The following IL1R2 variants were observed in gnomAD, a reference collection of about 807,000 sequenced individuals.
The protein encoded by IL1R2 is interleukin-1 receptor type 2.
A neutral mutation model predicts 39.5 loss-of-function variants in IL1R2; 46 were observed. That is an observed-to-expected ratio of 1.16 (90% confidence interval 0.92 to 1.49). The LOEUF is 1.49. Among genes scored for constraint, IL1R2 ranks in the 40% most tolerant of loss-of-function variants. The pLI is 0.00. For missense variants in IL1R2, 537 were observed against 502.0 expected, an observed-to-expected ratio of 1.07 and a Z score of -0.67; for synonymous variants, 207 against 189.6, an observed-to-expected ratio of 1.09 and a Z score of -0.75.
rs369886122 is a variant in IL1R2 at position 102,022,222 on chromosome 2, C to T, written c.724C>T (p.Pro242Ser). The T allele has an allele frequency of 1.2e-6, 2 of 1,613,682 alleles. No individual in the cohort carries two copies. The highest frequency in any genetic ancestry group is 1.7e-6 in the Non-Finnish European group (2 of 1,179,680). Reference sequence around the variant, plus strand: ...AGAGACCATTCCTGTGATCATTTCCCCCCTCAAGACCATATCAGCTTCTCT... The same window carrying T: ...AGAGACCATTCCTGTGATCATTTCCTCCCTCAAGACCATATCAGCTTCTCT... ...KEETIPVIISPLKTISASLGS... is the reference protein window; with the variant it reads ...KEETIPVIISSLKTISASLGS... Residue 242 changes from proline (P) to serine (S), a missense_variant, in exon 6 of 9, where the codon CCC becomes TCC. Pro to Ser is a moderately conservative substitution (Grantham distance 74). Coordinates refer to ENST00000332549, the MANE Select transcript of IL1R2 (RefSeq NM_004633.4).
intron 1 of IL1R2, among the ~76,000 whole-genome samples, chr2:102,008,064 T>C (rs1239346742): frequency 6.6e-6 from 1 of 152,162 alleles, no homozygotes. Context: ...TGATGATGAA[T>C]GCCACAGAGA....
chr2:102,008,592 T>C lies in IL1R2; in HGVS notation c.17T>C (p.Val6Ala), dbSNP rs1342172104. Residue 6 changes from valine to alanine, a missense_variant, in exon 2 of 9, where the codon GTG becomes GCG. Coordinates refer to ENST00000332549, the MANE Select transcript of IL1R2 (RefSeq NM_004633.4). The stretch of plus-strand genomic sequence containing the variant: ...TCAGGAGCAATGTTGCGCTTGTACG[T>C]GTTGGTAATGGGAGTTTCTGCCTTC... MLRLY[V>A]LVMGVSAFTL... 4 of 1,613,980 alleles carry C rather than the reference T, an allele frequency of 2.5e-6. No homozygotes were observed. The highest frequency in any genetic ancestry group is 2.5e-6 in the Non-Finnish European group (3 of 1,179,930).
intron 3 of IL1R2, among the ~76,000 whole-genome samples, chr2:102,012,554 T>C (rs562264134): frequency 2.6e-5 from 4 of 151,932 alleles, no homozygotes; most frequent in African/African-American, 9.7e-5. Context: ...TGTGTGTGTG[T>C]GTGCATGTGC....
At chr2:102,026,041 A>T in intron 7 of IL1R2, 70 bp from the exon 8 acceptor site, 1 of 1,243,252 alleles carries the variant, frequency 8.0e-7, no homozygotes, top group Non-Finnish European at 1.1e-6. Context: ...GAGTGTTTAG[A>T]TGTCTACATT....
intron 3 of IL1R2, among the ~76,000 whole-genome samples, chr2:102,014,618 G>A (rs1676874177): frequency 6.6e-6 from 1 of 152,100 alleles, no homozygotes; most frequent in Admixed American, 6.5e-5. Context: ...CAAGTGGTAA[G>A]CTTTTATCAC....
intron 4 of IL1R2, among the ~76,000 whole-genome samples, chr2:102,018,391 C>T (rs1677142072): frequency 6.6e-6 from 1 of 152,198 alleles, no homozygotes; most frequent in Admixed American, 6.5e-5. Context: ...CGAGTGACTC[C>T]ACCTCTCGAA....
rs2241081 is a variant in IL1R2, at chr2:102,028,236, G to A, written c.1041G>A (p.Thr347=). 979 of 1,608,258 alleles carry A rather than the reference G, an allele frequency of 6.1e-4. 9 individuals carry two copies. The East Asian group carries it at 0.019, about 31-fold the overall frequency. ...CTGTTCTTCCCACAGCCTCCTCCAC[G>A]TTCTCCTGGGGCATTGTGCTGGCCC... The part of the protein sequence containing the change: ...LRTTVKEASS[T]FSWGIVLAPL... The change falls in exon 9 of 9, where the codon ACG becomes ACA. Residue 347 remains threonine (T), a synonymous_variant. Transcript: ENST00000332549.
chr2:102,024,580 C>A lies in IL1R2; in HGVS notation c.799C>A (p.Pro267Thr). The A allele has an allele frequency of 6.2e-7, 1 of 1,614,018 alleles. No homozygotes were observed. The highest frequency in any genetic ancestry group is 8.5e-7 in the Non-Finnish European group (1 of 1,180,006). The part of the protein sequence containing the change: ...PCKVFLGTGT[P>T]LTTMLWWTAN... Reference sequence around the variant, plus strand: ...TAAGGTGTTTCTGGGAACCGGCACACCCTTAACCACCATGCTGTGGTGGAC... The same window carrying A: ...TAAGGTGTTTCTGGGAACCGGCACAACCTTAACCACCATGCTGTGGTGGAC... Residue 267 changes from proline to threonine, a missense_variant, in exon 7 of 9, where the codon CCC (proline) becomes ACC (threonine). Coordinates refer to ENST00000332549, the MANE Select transcript of IL1R2 (RefSeq NM_004633.4).
At position 102,028,305 on chromosome 2, in the gene IL1R2, C is replaced by T; in HGVS notation, c.1110C>T (p.His370=). The change falls in exon 9 of 9, where the codon CAC becomes CAT. Residue 370 remains histidine (H), a synonymous_variant. Transcript: ENST00000332549. The stretch of plus-strand genomic sequence containing the variant: ...TGGTTTTGGGGGGAATATGGATGCA[C>T]AGACGGTGCAAACACAGAACTGGAA... The part of the protein sequence containing the change: ...AFLVLGGIWM[H]RRCKHRTGKA... The T allele has an allele frequency of 6.2e-7, 1 of 1,612,746 alleles. No individual in the cohort carries two copies. The highest frequency in any genetic ancestry group is 1.1e-5 in the South Asian group (1 of 90,526).
intron 1 of IL1R2, among the ~76,000 whole-genome samples, chr2:102,006,372 G>A (rs1227650398): frequency 6.6e-6 from 1 of 152,108 alleles, no homozygotes; most frequent in African/African-American, 2.4e-5. Context: ...AGAGTTTAAG[G>A]GAGAAAGCTC....
intron 8 of IL1R2, among the ~76,000 whole-genome samples, chr2:102,027,052 AC>A (rs1677786029): frequency 6.6e-6 from 1 of 152,214 alleles, no homozygotes; most frequent in African/African-American, 2.4e-5. Flanking sequence ...AGGGAATGGC[AC>A]CCAACTTTCC....
At chr2:102,023,278 C>T (rs890962848) in intron 6 of IL1R2, 12 of 152,268 alleles carry the variant, frequency 7.9e-5, no homozygotes, top group African/African-American at 2.7e-4. Flanking sequence ...CTTGGGTTGC[C>T]ACTGCCACAG....
At chr2:102,006,862 G>A (rs1676297584) in intron 1 of IL1R2, among the ~76,000 whole-genome samples, 1 of 152,234 alleles carries the variant, frequency 6.6e-6, no homozygotes, top group African/African-American at 2.4e-5. Flanking sequence ...GCAGACAAGA[G>A]TGAGTTAGTT....
At chr2:102,015,479 G>A (rs369174361) in intron 3 of IL1R2, among the ~76,000 whole-genome samples, 14 of 152,322 alleles carry the variant, frequency 9.2e-5, no homozygotes, top group South Asian at 6.2e-4. Context: ...GTTGGAAATA[G>A]CGTTGTCACT....
chr2:102,025,830 G>C (rs1018040621), intron 7 of IL1R2, among the ~76,000 whole-genome samples: 1 of 152,090 alleles, frequency 6.6e-6, no homozygotes, highest in Non-Finnish European at 1.5e-5. Flanking sequence ...TTCATTAAGA[G>C]ACTTAAAAGA....
At chr2:102,012,884 G>C (rs577812640) in intron 3 of IL1R2, among the ~76,000 whole-genome samples, 6 of 152,286 alleles carry the variant, frequency 3.9e-5, no homozygotes, top group African/African-American at 1.4e-4. Flanking sequence ...GGGAATCTTA[G>C]CTCTCTCATT....
Position 102,028,125 on chromosome 2 carries a change from C to T in IL1R2, c.1031-101C>T, listed in dbSNP as rs1677844738. ...ATCAATGCACATTTATCAAGAAAAA[C>T]AAACTCCAATTTCTTTCTTATCTTG... On this transcript the variant is annotated intron_variant, in intron 8 of 8. Transcript: ENST00000332549. 3.9e-6 allele frequency: 4 copies of T among 1,025,766 alleles called. No homozygotes were observed. In the East Asian group the frequency reaches 1.1e-4, roughly 28 times the overall value. 63.5% of individuals were successfully genotyped at this position (1,025,766 alleles called of 1,614,324 possible).
At chr2:101,997,154 C>T (rs1275326072) in intron 1 of IL1R2, among the ~76,000 whole-genome samples, 5 of 152,148 alleles carry the variant, frequency 3.3e-5, no homozygotes, top group African/African-American at 7.2e-5. Flanking sequence ...CCTGGACCTT[C>T]CTGGTCATGA....
chr2:102,022,263 G>A lies in IL1R2; in HGVS notation c.751+14G>A. On this transcript the variant is annotated intron_variant, in intron 6 of 8. Transcript: ENST00000332549. ...CAGCTTCTCTGGGTAAGGCCCACAA[G>A]GACCATGCATTCCACGCACCTGTGG... The A allele has an allele frequency of 1.9e-6, 3 of 1,609,668 alleles. No individual in the cohort carries two copies. Among genetic ancestry groups the A allele is most frequent in the Non-Finnish European group, 2.6e-6 (3 of 1,175,902 alleles).
Sources: gnomAD v4.1 joint callset for allele counts (sites outside exome capture counted in the v4.1 genomes callset) on GRCh38, gnomAD v4.1.1 for gene constraint, MANE v1.5 for transcripts, NCBI Gene and HGNC (gene_info 2026-07-23, HGNC 2026-07-21) for gene names.